EPG5: variants seen among roughly 807,000 people sequenced by gnomAD.
The protein encoded by EPG5 is ectopic P granules protein 5 homolog.
In EPG5, 159 loss-of-function variants were observed where a neutral mutation model predicts 302.7. The observed-to-expected ratio is 0.53, with a 90% confidence interval of 0.46 to 0.60. EPG5 has a LOEUF of 0.60. Among genes scored for constraint, EPG5 ranks in the 20% least tolerant of loss-of-function variants. EPG5 has a pLI of 0.00. For missense variants in EPG5, 2,896 were observed against 3,092.4 expected (o/e 0.94, Z 1.51); for synonymous variants, 1,158 against 1,136.8 (o/e 1.02, Z -0.37).
intron 35 of EPG5, among the ~76,000 whole-genome samples, chr18:45,873,481 G>T (rs1288379951): frequency 6.6e-6 from 1 of 151,432 alleles, no homozygotes; most frequent in Non-Finnish European, 1.5e-5. Flanking sequence ...CTGCACTCCA[G>T]CCTGGGCAAC....
intron 32 of EPG5, 127 bp downstream of exon 32, chr18:45,879,948 C>T (rs1004177264): frequency 2.8e-6 from 3 of 1,055,650 alleles, no homozygotes; most frequent in African/African-American, 3.2e-5. Context: ...GGAACCAAAG[C>T]ACTTAACACA....
chr18:45,920,664 G>C (rs2050134882), intron 16 of EPG5, among the ~76,000 whole-genome samples: 1 of 152,030 alleles, frequency 6.6e-6, no homozygotes, highest in Non-Finnish European at 1.5e-5. Context: ...AATTCTCATG[G>C]GAACTAAGAG....
intron 10 of EPG5, among the ~76,000 whole-genome samples, chr18:45,936,784 T>TAA (rs201568940): frequency 0.13 from 16,880 of 134,838 alleles, 1,392 homozygotes; most frequent in East Asian, 0.29. Context: ...GTTATTAAAT[T>TAA]AAAAAAAAAA....
intron 16 of EPG5, among the ~76,000 whole-genome samples, chr18:45,919,748 G>A (rs980055586): frequency 6.6e-6 from 1 of 151,944 alleles, no homozygotes; most frequent in South Asian, 2.1e-4. Flanking sequence ...TCCTGACCTC[G>A]TGATCCGCCC....
chr18:45,957,926 C>T (rs1333602286), intron 1 of EPG5, among the ~76,000 whole-genome samples: 1 of 152,160 alleles, frequency 6.6e-6, no homozygotes, highest in African/African-American at 2.4e-5. Flanking sequence ...CCCACTCAGC[C>T]TGCTTCACTC....
At chr18:45,842,848 C>T (rs887287023), downstream of EPG5, 2 of 152,646 alleles carry the variant, frequency 1.3e-5, no homozygotes, top group African/African-American at 4.8e-5. Flanking sequence ...GCAGCAGTGT[C>T]ACGGAGAACA....
Position 45,852,598 on chromosome 18 carries a change from G to A in EPG5, c.7609C>T (p.Gln2537Ter), listed in dbSNP as rs1300055636. Reference protein sequence around the residue: ...MASSKQYVEYQDQILQATQFI... With the variant: ...MASSKQYVEY ...TGGGTGGCTTGCAATATTTGATCCTGGTATTCAACATACTGCTTACTTGAT... is the reference window on the plus strand; with the variant it reads ...TGGGTGGCTTGCAATATTTGATCCTAGTATTCAACATACTGCTTACTTGAT... Residue 2537 changes from glutamine to a stop codon, truncating the protein, a stop_gained, in exon 44 of 44, where the codon CAG becomes TAG. Transcript: ENST00000282041. LOFTEE classifies it high-confidence loss of function. 2 of 1,614,024 alleles carry A rather than the reference G, an allele frequency of 1.2e-6. No individual in the cohort carries two copies. Among genetic ancestry groups the A allele is most frequent in the Non-Finnish European group, 1.7e-6 (2 of 1,179,994 alleles).
At chr18:45,911,462 A>ATT (rs879786259) in intron 22 of EPG5, among the ~76,000 whole-genome samples, 1 of 144,006 alleles carries the variant, frequency 6.9e-6, no homozygotes, top group Non-Finnish European at 1.5e-5. Context: ...ATTTTTTTGT[A>ATT]TTTTTTTTTT....
intron 9 of EPG5, among the ~76,000 whole-genome samples, chr18:45,941,943 G>C (rs2145897184): frequency 6.6e-6 from 1 of 152,130 alleles, no homozygotes; most frequent in African/African-American, 2.4e-5. Context: ...GGACCCCCAG[G>C]CCGGGCACAG....
In EPG5 at chr18:45,952,397, T is replaced by C. The variant is rs758051347; in HGVS notation, c.1252+3A>G. On this transcript the variant is annotated splice_donor_region_variant and intron_variant, in intron 3 of 43. Transcript: ENST00000282041. ...AAGAAAGAGAGCTTCATTACTTACA[T>C]ACCTCGGCCTTGCTGGTGAATTGCT... 1.9e-6 allele frequency: 3 copies of C among 1,613,738 alleles called. No homozygotes were observed. The highest frequency in any genetic ancestry group is 2.5e-6 in the Non-Finnish European group (3 of 1,179,830).
At chr18:45,901,282 T>C (rs1009196836) in intron 25 of EPG5, 115 bp from the exon 26 acceptor site, 4 of 852,336 alleles carry the variant, frequency 4.7e-6, no homozygotes, top group South Asian at 1.8e-5. Context: ...AGTCTTACGA[T>C]AGTTGAAGAG....
intron 7 of EPG5, 109 bp from the exon 8 acceptor site, chr18:45,944,228 C>A: frequency 9.0e-6 from 6 of 666,402 alleles, no homozygotes; most frequent in Non-Finnish European, 1.6e-5. Context: ...CATGTGATAT[C>A]CTCATGAGTC....
chr18:45,860,158 C>A lies in EPG5; in HGVS notation c.6955G>T (p.Val2319Phe). 3.7e-6 allele frequency: 6 copies of A among 1,614,154 alleles called. No homozygotes were observed. Among genetic ancestry groups the A allele is most frequent in the Non-Finnish European group, 4.2e-6 (5 of 1,180,024 alleles). Residue 2319 changes from valine to phenylalanine, a missense_variant, in exon 40 of 44, where the codon GTC (valine) becomes TTC (phenylalanine). Val to Phe is a conservative substitution (Grantham distance 50). This residue lies in a region of EPG5 where 620 missense variants were observed against 704.2 expected (regional missense o/e 0.88). Coordinates refer to ENST00000282041, the MANE Select transcript of EPG5 (RefSeq NM_020964.3). ...TCTGTAGTCTCAGCCATGTGGCGGA[C>A]GGACGCCAGGCTCTGGCAGGCTGCT... ...LTAACQSLAS[V>F]RHMAETTEAC...
intron 1 of EPG5, among the ~76,000 whole-genome samples, chr18:45,962,387 A>G (rs1599664241): frequency 6.6e-6 from 1 of 152,350 alleles, no homozygotes; most frequent in East Asian, 1.9e-4. Flanking sequence ...AGAATTTAAT[A>G]TTAACTGTCA....
intron 6 of EPG5, 85 bp downstream of exon 6, chr18:45,948,418 T>G: frequency 1.9e-6 from 2 of 1,067,806 alleles, no homozygotes; most frequent in Non-Finnish European, 2.9e-6. Flanking sequence ...GCTGTTCTTC[T>G]TTGGATCTAG....
chr18:45,894,710 G>A (rs947895541), intron 27 of EPG5, among the ~76,000 whole-genome samples: 4 of 152,188 alleles, frequency 2.6e-5, no homozygotes, highest in Non-Finnish European at 5.9e-5. Context: ...AGCAGCATAT[G>A]CGAAGAACAA....
rs1599612301 is a variant in EPG5 at position 45,937,472 on chromosome 18, T to A, written c.2099+2128A>T. On this transcript the variant is annotated intron_variant, in intron 10 of 43. Coordinates refer to ENST00000282041, the MANE Select transcript of EPG5 (RefSeq NM_020964.3). ...CTGAGGCTGGAGTACAGTGGCGCGA[T>A]CTCAGCTCACCGCAACCTCCACTTC... 2.0e-5 allele frequency among the ~76,000 whole-genome samples: 3 copies of A among 152,206 alleles called. No individual in the cohort carries two copies. In the Middle Eastern group the frequency reaches 0.01, roughly 518 times the overall value.
the EPG5 span, chr18:45,838,862 C>A: frequency 6.3e-7 from 1 of 1,581,878 alleles, no homozygotes; most frequent in African/African-American, 1.3e-5. Flanking sequence ...GTGCGGAGCC[C>A]GCGTGAGGGT....
chr18:45,888,720 G>A (rs752995509), intron 28 of EPG5, among the ~76,000 whole-genome samples: 4 of 152,188 alleles, frequency 2.6e-5, no homozygotes, highest in African/African-American at 7.2e-5. Context: ...GATTACAGGC[G>A]TGAGCCACTG....
Sources: allele counts gnomAD v4.1 joint callset (sites outside exome capture counted in the v4.1 genomes callset), GRCh38; gene constraint gnomAD v4.1.1; regional missense constraint gnomAD v4.1.1; transcripts MANE v1.5; gene names NCBI Gene and HGNC (gene_info 2026-07-23, HGNC 2026-07-21).